Variants in ZNF211 observed in about 807,000 individuals in gnomAD.
The protein encoded by ZNF211 is zinc finger protein 211.
In ZNF211, 18 loss-of-function variants were observed where a neutral mutation model predicts 12.1. That is an observed-to-expected ratio of 1.48 (90% CI 1.03 to 2.20). The LOEUF (loss-of-function observed/expected upper bound fraction) is 2.20. ZNF211 is among the 30% of genes most tolerant of loss of function. The pLI, the probability that ZNF211 is intolerant of heterozygous loss-of-function variation, is 0.00. For missense variants in ZNF211, 677 were observed against 703.1 expected, an observed-to-expected ratio of 0.96 and a Z score of 0.42; for synonymous variants, 249 against 246.0, an observed-to-expected ratio of 1.01 and a Z score of -0.11.
rs1981626258 is a variant in ZNF211, at chr19:57,633,186, T to A, written c.-161T>A. 1.6e-6 allele frequency: 1 copy of A among 644,214 alleles called. No homozygotes were observed. Among genetic ancestry groups the A allele is most frequent in the South Asian group, 2.3e-5 (1 of 43,710 alleles). The allele number at this position is 644,214 out of a possible 1,614,324, so 39.9% of individuals were successfully genotyped here. A position where few individuals can be genotyped will look rare whatever the true frequency, so the allele number is the denominator to read the frequency against. On this transcript the variant is annotated 5_prime_UTR_variant, in exon 1 of 4. Coordinates refer to ENST00000240731, the MANE Select transcript of ZNF211 (RefSeq NM_006385.5). ...CCCCCCCAGGGCGGGACTTGTGGCG[T>A]CTTCGCAGCGGTCATTTTGGCTGCC... is the stretch of plus-strand genomic sequence containing the variant.
At position 57,642,121 on chromosome 19, in the gene ZNF211, CT is replaced by C. The variant is rs779436160; in HGVS notation, c.1677del (p.Phe559LeufsTer78). 4 of 1,613,832 alleles carry C rather than the reference CT, an allele frequency of 2.5e-6. No homozygotes were observed. In the African/African-American group the frequency reaches 5.3e-5, roughly 22 times the overall value. On this transcript the variant is annotated frameshift_variant, in exon 4 of 4. Transcript: ENST00000240731. LOFTEE classifies it low-confidence loss of function (END_TRUNC). ...ATCAGTGCAGTCAATGTGGGAAATC[CT>C]TTGGCTGCAAATCTGTCCTCATTCA... The part of the protein sequence containing the change: ...PYQCSQCGKS[F>X]GCKSVLIQHQ...
Position 57,633,433 on chromosome 19 carries a change from T to C in ZNF211, c.87T>C (p.Ala29=). 1 of 1,598,412 alleles carries C rather than the reference T, an allele frequency of 6.3e-7. No homozygotes were observed. Among genetic ancestry groups the C allele is most frequent in the Non-Finnish European group, 8.5e-7 (1 of 1,177,184 alleles). The part of the protein sequence containing the change: ...TRMATALRDP[A]SVPIATEVLF... ...TGGCGACCGCACTGAGGGACCCGGC[T>C]TCGGTGAGCGCTGCGATCTCCGGGC... Residue 29 remains alanine (A), a synonymous_variant, in exon 1 of 4, where the codon GCT becomes GCC. Transcript: ENST00000240731.
chr19:57,643,340 CATT>C lies in ZNF211; in HGVS notation c.*1160_*1162del, dbSNP rs1199672989. ...ATTGTGCAGGATCAGTGTGTACAGA[CATT>C]CTTAGAATTTCCAGGCATGTGTATT... On this transcript the variant is annotated 3_prime_UTR_variant, in exon 4 of 4. Coordinates refer to ENST00000240731, the MANE Select transcript of ZNF211 (RefSeq NM_006385.5). Among the ~76,000 whole-genome samples, 2 of 151,968 alleles carry C rather than the reference CATT, an allele frequency of 1.3e-5. No homozygotes were observed. Among genetic ancestry groups the C allele is most frequent in the Non-Finnish European group, 2.9e-5 (2 of 68,008 alleles).
chr19:57,633,195 C>A lies in ZNF211; in HGVS notation c.-152C>A. On this transcript the variant is annotated 5_prime_UTR_variant, in exon 1 of 4. Transcript: ENST00000240731. ...GGCGGGACTTGTGGCGTCTTCGCAG[C>A]GGTCATTTTGGCTGCCCTCCCGGAG... 7.3e-6 allele frequency: 5 copies of A among 688,940 alleles called. No homozygotes were observed. The highest frequency in any genetic ancestry group is 1.1e-5 in the Non-Finnish European group (5 of 440,408). The allele number at this position is 688,940 out of a possible 1,614,324, so 42.7% of individuals were successfully genotyped here.
rs1464906730 is a variant in ZNF211 at position 57,643,711 on chromosome 19, C to G, written c.*1530C>G. ...ATTATAATTATTACAATGAACATAT[C>G]AGTCACCTCGGATTTACCTCAGGCC... is the stretch of plus-strand genomic sequence containing the variant. On this transcript the variant is annotated 3_prime_UTR_variant, in exon 4 of 4. Coordinates refer to ENST00000240731, the MANE Select transcript of ZNF211 (RefSeq NM_006385.5). 6.6e-6 allele frequency among the ~76,000 whole-genome samples: 1 copy of G among 152,178 alleles called. No individual in the cohort carries two copies. Among genetic ancestry groups the G allele is most frequent in the Non-Finnish European group, 1.5e-5 (1 of 68,032 alleles).
rs749394905 is a variant in ZNF211, at chr19:57,641,766, G to A, written c.1319G>A (p.Cys440Tyr). The change falls in exon 4 of 4, where the codon TGC becomes TAC. Residue 440 changes from cysteine to tyrosine, a missense_variant. Transcript: ENST00000240731. The stretch of plus-strand genomic sequence containing the variant: ...CACACTGGAGAAAGACCCTATGAGT[G>A]CAGTAAATGTGGGAAGTCATTTAAG... ...RLHTGERPYE[C>Y]SKCGKSFKQS... 1.2e-6 allele frequency: 2 copies of A among 1,614,076 alleles called. No individual in the cohort carries two copies. Among genetic ancestry groups the A allele is most frequent in the Non-Finnish European group, 1.7e-6 (2 of 1,180,010 alleles).
intron 3 of ZNF211, among the ~76,000 whole-genome samples, chr19:57,639,098 T>G (rs917361241): frequency 1.3e-5 from 2 of 152,142 alleles, no homozygotes; most frequent in Non-Finnish European, 2.9e-5. Context: ...CATCTTTGGA[T>G]CTAAAGCAAA....
chr19:57,639,891 C>T (rs1021172014), intron 3 of ZNF211: 18 of 1,525,300 alleles, frequency 1.2e-5, no homozygotes, highest in South Asian at 3.6e-5. Context: ...TAGTTGCTCA[C>T]ATGTCCTGTC....
At chr19:57,637,067 T>G (rs564160907) in intron 3 of ZNF211, among the ~76,000 whole-genome samples, 36 of 152,362 alleles carry the variant, frequency 2.4e-4, no homozygotes, top group Admixed American at 2.1e-3. Context: ...CTGAATTTCC[T>G]TATTAGTTGT....
chr19:57,637,059 GAAT>G (rs1982233589), intron 3 of ZNF211, among the ~76,000 whole-genome samples: 1 of 152,110 alleles, frequency 6.6e-6, no homozygotes, highest in African/African-American at 2.4e-5. Flanking sequence ...CCTATTTGCT[GAAT>G]TTCCTTATTA....
At chr19:57,633,942 C>T (rs1464687277) in intron 1 of ZNF211, 81 bp from the exon 2 acceptor site, 3 of 1,607,198 alleles carry the variant, frequency 1.9e-6, no homozygotes, top group Non-Finnish European at 2.6e-6. Flanking sequence ...GGCTCTGGGC[C>T]GGGGCAAGGG....
rs754692928 is a variant in ZNF211, at chr19:57,641,351, G to A, written c.904G>A (p.Glu302Lys). The A allele has an allele frequency of 2.5e-6, 4 of 1,614,188 alleles. No homozygotes were observed. The change falls in exon 4 of 4, where the codon GAA becomes AAA. Residue 302 changes from glutamate to lysine, a missense_variant. Glu to Lys is a moderately conservative substitution (Grantham distance 56, BLOSUM62 1). Coordinates refer to ENST00000240731, the MANE Select transcript of ZNF211 (RefSeq NM_006385.5). ...HSEERPYECN[E>K]CGKFFTYYSS... ...TGAAGAAAGGCCTTATGAATGCAAT[G>A]AATGTGGAAAATTCTTTACCTACTA...
intron 1 of ZNF211, chr19:57,633,721 G>T: frequency 6.5e-7 from 1 of 1,533,386 alleles, no homozygotes; most frequent in African/African-American, 1.4e-5. Flanking sequence ...AGGGCCGTGG[G>T]AGCCATAGAG....
In ZNF211 at chr19:57,643,932, A is replaced by T. The variant is rs542613409; in HGVS notation, c.*1751A>T. ...CTTATATGTGGTGGTCATTCTTTTT[A>T]TTGCTGAGTGGTATATTTTTTATGG... On this transcript the variant is annotated 3_prime_UTR_variant, in exon 4 of 4. Coordinates refer to ENST00000240731, the MANE Select transcript of ZNF211 (RefSeq NM_006385.5). 1.3e-5 allele frequency among the ~76,000 whole-genome samples: 2 copies of T among 151,992 alleles called. No homozygotes were observed. Among genetic ancestry groups the T allele is most frequent in the African/African-American group, 2.4e-5 (1 of 41,468 alleles).
intron 3 of ZNF211, chr19:57,635,060 A>G: frequency 1.5e-6 from 1 of 668,260 alleles, no homozygotes. Context: ...CGTGTACCTA[A>G]CATTTATTTG....
rs550826579 is a variant in ZNF211 at position 57,640,158 on chromosome 19, A to G, written c.257-546A>G. 4 of 1,374,914 alleles carry G rather than the reference A, an allele frequency of 2.9e-6. No homozygotes were observed. The African/African-American group carries it at 4.4e-5, about 15-fold the overall frequency. The allele number at this position is 1,374,914 out of a possible 1,614,324, so 85.2% of individuals were successfully genotyped here. On this transcript the variant is annotated intron_variant, in intron 3 of 3. Coordinates refer to ENST00000240731, the MANE Select transcript of ZNF211 (RefSeq NM_006385.5). ...ACTTCACTTCGACCTTCCCCTCTTC[A>G]CTCTTAACAGTTTACAAACTTGTTA... is the stretch of plus-strand genomic sequence containing the variant.
chr19:57,638,194 C>T (rs748574060), intron 3 of ZNF211, among the ~76,000 whole-genome samples: 2 of 152,086 alleles, frequency 1.3e-5, no homozygotes, highest in Admixed American at 6.5e-5. Context: ...CCACTGCACC[C>T]GGCCAGGTTT....
rs757684497 is a variant in ZNF211, at chr19:57,634,807, C to T, written c.256+52C>T. 4.8e-6 allele frequency: 7 copies of T among 1,463,536 alleles called. No homozygotes were observed. The East Asian group carries it at 1.8e-4, about 37-fold the overall frequency. The allele number at this position is 1,463,536 out of a possible 1,614,324, so 90.7% of individuals were successfully genotyped here. On this transcript the variant is annotated intron_variant, in intron 3 of 3. Transcript: ENST00000240731. Reference sequence around the variant, plus strand: ...CCCTGGACTAGGCTCTCTGTTTCTCCTTTTCCTCAGGAGCAGCTCTGTCCT... The same window carrying T: ...CCCTGGACTAGGCTCTCTGTTTCTCTTTTTCCTCAGGAGCAGCTCTGTCCT...
chr19:57,643,838 T>C lies in ZNF211; in HGVS notation c.*1657T>C, dbSNP rs1234906501. 6.6e-6 allele frequency among the ~76,000 whole-genome samples: 1 copy of C among 152,248 alleles called. No homozygotes were observed. The highest frequency in any genetic ancestry group is 1.5e-5 in the Non-Finnish European group (1 of 68,046). On this transcript the variant is annotated 3_prime_UTR_variant, in exon 4 of 4. Transcript: ENST00000240731. Reference sequence around the variant, plus strand: ...TTGTATTTTCTATAATATATGATTTTATTAATAAAATGTCTTTTTTTCCAG... The same window carrying C: ...TTGTATTTTCTATAATATATGATTTCATTAATAAAATGTCTTTTTTTCCAG...
Sources: allele counts gnomAD v4.1 joint callset (sites outside exome capture counted in the v4.1 genomes callset), GRCh38; gene constraint gnomAD v4.1.1; transcripts MANE v1.5; gene names NCBI Gene and HGNC (gene_info 2026-07-23, HGNC 2026-07-21).